LOC400499: variants seen among roughly 807,000 people sequenced by gnomAD.
At chr16:11,385,026 A>G in the LOC400499 span, 1 of 1,232,244 alleles carries the variant, frequency 8.1e-7, no homozygotes, top group Non-Finnish European at 1.0e-6. Flanking sequence ...AGGTCCGGAC[A>G]ACTGTCCCCC....
the LOC400499 span, chr16:11,402,271 G>A: frequency 5.0e-6 from 2 of 398,140 alleles, no homozygotes; most frequent in Non-Finnish European, 8.9e-6. Context: ...TCACGCAAAT[G>A]GCCACTCGGG....
At chr16:11,435,031 G>A in the LOC400499 span, among the ~76,000 whole-genome samples, 4 of 152,214 alleles carry the variant, frequency 2.6e-5, no homozygotes, top group Non-Finnish European at 5.9e-5. Flanking sequence ...AGGCTGGGCT[G>A]CAATGCTGCA....
At chr16:11,465,788 A>C in the LOC400499 span, among the ~76,000 whole-genome samples, 1 of 134,106 alleles carries the variant, frequency 7.5e-6, no homozygotes, top group Non-Finnish European at 1.6e-5. Flanking sequence ...GAGAGGGAAA[A>C]GAGAGAGGGG....
chr16:11,385,160 G>A, the LOC400499 span: 4 of 1,230,626 alleles, frequency 3.3e-6, no homozygotes, highest in African/African-American at 4.7e-5. Context: ...CATGGGCACA[G>A]GTCTCCAGGG....
At chr16:11,491,047 T>G in the LOC400499 span, among the ~76,000 whole-genome samples, 2 of 152,218 alleles carry the variant, frequency 1.3e-5, no homozygotes, top group Admixed American at 6.5e-5. Context: ...TATTAACTCA[T>G]TTTATGCTCA....
At chr16:11,460,626 C>G in the LOC400499 span, 1 of 1,518,056 alleles carries the variant, frequency 6.6e-7, no homozygotes, top group African/African-American at 1.4e-5. Context: ...TGGATCAACC[C>G]AGAGACCCCT....
At chr16:11,509,446 G>C in the LOC400499 span, among the ~76,000 whole-genome samples, 1 of 151,522 alleles carries the variant, frequency 6.6e-6, no homozygotes, top group Non-Finnish European at 1.5e-5. Flanking sequence ...ACAGAAACAA[G>C]TCAGCAGGAC....
chr16:11,449,780 C>T, the LOC400499 span, among the ~76,000 whole-genome samples: 1 of 152,260 alleles, frequency 6.6e-6, no homozygotes, highest in Non-Finnish European at 1.5e-5. Flanking sequence ...CCACCAGATG[C>T]TTGGGCCAAG....
At chr16:11,521,292 A>G in the LOC400499 span, among the ~76,000 whole-genome samples, 1 of 152,214 alleles carries the variant, frequency 6.6e-6, no homozygotes, top group East Asian at 1.9e-4. Context: ...ATGTGGGTTG[A>G]GAGGGTTTAT....
At chr16:11,481,606 A>G in the LOC400499 span, among the ~76,000 whole-genome samples, 1 of 152,004 alleles carries the variant, frequency 6.6e-6, no homozygotes, top group Non-Finnish European at 1.5e-5. Flanking sequence ...TGCAGGCATA[A>G]GCCACCGCGC....
At chr16:11,474,882 C>T in the LOC400499 span, among the ~76,000 whole-genome samples, 58 of 152,012 alleles carry the variant, frequency 3.8e-4, no homozygotes, top group Admixed American at 5.9e-4. Context: ...AATAAAAGTA[C>T]AATATCGGGA....
the LOC400499 span, among the ~76,000 whole-genome samples, chr16:11,378,508 C>G: frequency 6.6e-6 from 1 of 152,156 alleles, no homozygotes; most frequent in African/African-American, 2.4e-5. Flanking sequence ...AGATGATTTG[C>G]CCACCTCGGC....
the LOC400499 span, chr16:11,384,132 GC>G: frequency 3.3e-6 from 4 of 1,215,620 alleles, no homozygotes; most frequent in Admixed American, 4.2e-5. Context: ...GAGCCATCAG[GC>G]CGCCTGCCTC....
At chr16:11,384,774 G>C in the LOC400499 span, 1 of 951,078 alleles carries the variant, frequency 1.1e-6, no homozygotes, top group Non-Finnish European at 1.4e-6. Flanking sequence ...CTAGAGACGA[G>C]GCCGGCAGAG....
At chr16:11,460,719 T>A in the LOC400499 span, 1 of 1,407,188 alleles carries the variant, frequency 7.1e-7, no homozygotes, top group Non-Finnish European at 9.3e-7. Context: ...ACACCCCCCA[T>A]GCTTTGCTCC....
chr16:11,484,989 C>G, the LOC400499 span: 1 of 399,188 alleles, frequency 2.5e-6, no homozygotes, highest in Non-Finnish European at 4.4e-6. Flanking sequence ...GGCTCAGGCT[C>G]TCTCCCGTCT....
chr16:11,393,136 G>A, the LOC400499 span, among the ~76,000 whole-genome samples: 1 of 147,200 alleles, frequency 6.8e-6, no homozygotes, highest in Non-Finnish European at 1.5e-5. Context: ...TTACAGGTGT[G>A]AGCCACCACG....
the LOC400499 span, among the ~76,000 whole-genome samples, chr16:11,467,638 C>T: frequency 6.6e-6 from 1 of 152,034 alleles, no homozygotes; most frequent in African/African-American, 2.4e-5. Context: ...AATAAAAAAA[C>T]AAAACCTAAA....
chr16:11,397,781 G>GGGT, the LOC400499 span, among the ~76,000 whole-genome samples: 1 of 109,156 alleles, frequency 9.2e-6, no homozygotes, highest in African/African-American at 3.1e-5. Flanking sequence ...GATGGAGGGA[G>GGGT]GGAGGGAGGG....
Sources: allele counts gnomAD v4.1 joint callset (sites outside exome capture counted in the v4.1 genomes callset), GRCh38; gene constraint gnomAD v4.1.1; transcripts MANE v1.5.